ASAP1: variants seen among roughly 807,000 people sequenced by gnomAD.
ASAP1 encodes ArfGAP with SH3 domain, ankyrin repeat and PH domain 1.
A neutral mutation model predicts 145.2 loss-of-function variants in ASAP1; 43 were observed. The ratio of observed to expected loss-of-function variants is 0.30; its 90% CI spans 0.23 to 0.38. The LOEUF (loss-of-function observed/expected upper bound fraction) is 0.38, where lower values mean the gene tolerates loss of function less well. Ranked by LOEUF, ASAP1 falls within the 10% of genes least tolerant of loss-of-function variation. The probability of loss-of-function intolerance (pLI) is 1.00; values close to 1 mark genes in which losing one functional copy is unlikely to be tolerated. For missense variants in ASAP1, 1,018 were observed against 1,355.3 expected (o/e 0.75, Z 3.91); for synonymous variants, 546 against 515.5 (o/e 1.06, Z -0.80).
chr8:130,135,511 C>A (rs961229470), intron 14 of ASAP1, among the ~76,000 whole-genome samples: 8 of 141,006 alleles, frequency 5.7e-5, no homozygotes, highest in African/African-American at 7.7e-5. Flanking sequence ...ACAAAAAAAA[C>A]CCAAAACAAA....
chr8:130,214,814 A>G, intron 4 of ASAP1, 113 bp from the exon 5 acceptor site: 2 of 877,846 alleles, frequency 2.3e-6, no homozygotes, highest in Non-Finnish European at 3.4e-6. Context: ...AACTGTATCA[A>G]TTATTTATTG....
intron 2 of ASAP1, among the ~76,000 whole-genome samples, chr8:130,400,530 T>G (rs754768439): frequency 1.6e-4 from 24 of 151,108 alleles, no homozygotes; most frequent in Non-Finnish European, 3.2e-4. Context: ...GGCTCACGCC[T>G]GTAATCCAGC....
At chr8:130,098,290 G>A (rs182805050) in intron 24 of ASAP1, among the ~76,000 whole-genome samples, 8 of 152,146 alleles carry the variant, frequency 5.3e-5, no homozygotes, top group South Asian at 2.1e-4. Context: ...CATCCTTTCC[G>A]GCTAGAACTT....
rs1390956966 is a variant in ASAP1 at position 130,188,101 on chromosome 8, A to G, written c.480+8T>C. The G allele has an allele frequency of 3.7e-6, 6 of 1,601,352 alleles. No individual in the cohort carries two copies. In the Admixed American group the frequency reaches 1.0e-4, roughly 27 times the overall value. ...GTTAAAGTGAAAATCAAATTTCTGA[A>G]CACTTACTCCTTTGACTCCCTTTAG... On this transcript the variant is annotated splice_region_variant and intron_variant, in intron 6 of 29. Transcript: ENST00000518721.
chr8:130,130,451 T>C (rs905594660), intron 15 of ASAP1, among the ~76,000 whole-genome samples: 3 of 152,218 alleles, frequency 2.0e-5, no homozygotes, highest in Non-Finnish European at 4.4e-5. Flanking sequence ...GATAATTTTC[T>C]AGAGAAAATA....
At chr8:130,218,569 T>C (rs1194827827) in intron 4 of ASAP1, among the ~76,000 whole-genome samples, 1 of 152,070 alleles carries the variant, frequency 6.6e-6, no homozygotes, top group Non-Finnish European at 1.5e-5. Context: ...ACAGACTCAT[T>C]AAAGAATAAG....
At chr8:130,177,458 A>G (rs1814042034) in intron 9 of ASAP1, among the ~76,000 whole-genome samples, 1 of 152,232 alleles carries the variant, frequency 6.6e-6, no homozygotes, top group South Asian at 2.1e-4. Context: ...AAGGAATTAA[A>G]TGTTTCCAGG....
intron 24 of ASAP1, among the ~76,000 whole-genome samples, chr8:130,100,039 T>C (rs1339230182): frequency 1.3e-5 from 2 of 152,172 alleles, no homozygotes; most frequent in African/African-American, 2.4e-5. Context: ...AGTAGTAGAA[T>C]TGCTCAGTGG....
At chr8:130,163,348 ATT>A in intron 11 of ASAP1, among the ~76,000 whole-genome samples, 2 of 152,346 alleles carry the variant, frequency 1.3e-5, no homozygotes, top group African/African-American at 4.8e-5. Context: ...TTCCTTATAT[ATT>A]TATTACTAGC....
Position 130,440,832 on chromosome 8 carries a change from G to C in ASAP1, c.-28+2628C>G, listed in dbSNP as rs571477537. ...TTCTCCATTTTCCAATCTCAGAAAG[G>C]CTTTCCCTTCCAAAACTAGGACCAA... On this transcript the variant is annotated intron_variant, in intron 1 of 29. Coordinates refer to ENST00000518721, the MANE Select transcript of ASAP1 (RefSeq NM_018482.4). 5.3e-5 allele frequency among the ~76,000 whole-genome samples: 8 copies of C among 152,318 alleles called. 1 individual carries two copies. Among genetic ancestry groups the C allele is most frequent in the East Asian group, 3.9e-4 (2 of 5,180 alleles).
At chr8:130,243,373 G>A (rs1016454780) in intron 3 of ASAP1, among the ~76,000 whole-genome samples, 10 of 152,098 alleles carry the variant, frequency 6.6e-5, no homozygotes, top group African/African-American at 2.4e-4. Flanking sequence ...TAATATTCAT[G>A]TTTATTTCTT....
intron 23 of ASAP1, among the ~76,000 whole-genome samples, chr8:130,115,171 T>C (rs1296909902): frequency 1.3e-5 from 2 of 152,188 alleles, no homozygotes; most frequent in Non-Finnish European, 2.9e-5. Context: ...TTTAAATGAG[T>C]AGATTTCGAG....
chr8:130,364,248 T>C (rs896001028), intron 2 of ASAP1, among the ~76,000 whole-genome samples: 1 of 152,224 alleles, frequency 6.6e-6, no homozygotes, highest in Admixed American at 6.5e-5. Flanking sequence ...GGTGGGAACC[T>C]AGAAGAAATG....
chr8:130,107,897 GAGA>G (rs2097540286), intron 24 of ASAP1, among the ~76,000 whole-genome samples: 2 of 152,200 alleles, frequency 1.3e-5, no homozygotes, highest in African/African-American at 4.8e-5. Context: ...CTTGGAAGAG[GAGA>G]AGGTGATGCT....
chr8:130,071,182 G>T (rs866694427), intron 27 of ASAP1, among the ~76,000 whole-genome samples: 1 of 152,130 alleles, frequency 6.6e-6, no homozygotes, highest in African/African-American at 2.4e-5. Context: ...TCACTGTATT[G>T]CCTGGGTTGG....
chr8:130,071,265 C>T (rs755404417), intron 27 of ASAP1, among the ~76,000 whole-genome samples: 5 of 152,044 alleles, frequency 3.3e-5, no homozygotes, highest in Admixed American at 1.3e-4. Context: ...AGCCACTGCG[C>T]CCAACACTTC....
At chr8:130,439,645 G>A (rs1310354586) in intron 1 of ASAP1, among the ~76,000 whole-genome samples, 1 of 152,210 alleles carries the variant, frequency 6.6e-6, no homozygotes, top group African/African-American at 2.4e-5. Context: ...AAGAGTAGGG[G>A]AGGGAGTTAA....
chr8:130,072,622 ATTTC>A (rs1185198310), intron 27 of ASAP1, among the ~76,000 whole-genome samples: 21 of 151,928 alleles, frequency 1.4e-4, no homozygotes, highest in African/African-American at 4.8e-4. Flanking sequence ...CTCTCTACAC[ATTTC>A]TTTATCTGTA....
intron 2 of ASAP1, chr8:130,361,738 T>G: frequency 6.5e-7 from 1 of 1,535,714 alleles, no homozygotes; most frequent in Non-Finnish European, 8.7e-7. Context: ...CACCTCTCAT[T>G]TTCTCAAATA....
Sources: gnomAD v4.1 joint callset for allele counts (sites outside exome capture counted in the v4.1 genomes callset) on GRCh38, gnomAD v4.1.1 for gene constraint, MANE v1.5 for transcripts, NCBI Gene and HGNC (gene_info 2026-07-23, HGNC 2026-07-21) for gene names.